VTI1A: variants seen among roughly 807,000 people sequenced by gnomAD.
VTI1A encodes the protein vesicle transport through interaction with t-SNAREs 1A, also known as vesicle transport through interaction with t-SNAREs homolog 1A.
VTI1A carries 22 observed loss-of-function variants against 34.9 expected under a neutral mutation model. That is an observed-to-expected ratio of 0.63 (90% CI 0.45 to 0.90). The LOEUF (loss-of-function observed/expected upper bound fraction) is 0.90. Ranked by LOEUF, VTI1A falls within the 40% of genes least tolerant of loss-of-function variation. The probability of loss-of-function intolerance (pLI) is 0.00; values close to 1 mark genes in which losing one functional copy is unlikely to be tolerated. For synonymous variants in VTI1A, 87 were observed against 97.3 expected (o/e 0.89, Z 0.62); for missense variants, 268 against 275.6 (o/e 0.97, Z 0.20).
At chr10:112,567,762 C>T (rs540400267) in intron 5 of VTI1A, among the ~76,000 whole-genome samples, 3 of 152,134 alleles carry the variant, frequency 2.0e-5, no homozygotes, top group Non-Finnish European at 4.4e-5. Context: ...GTGACCTGTT[C>T]AAATTCGAGA....
chr10:112,587,102 T>C (rs1844189162), intron 5 of VTI1A, among the ~76,000 whole-genome samples: 1 of 152,214 alleles, frequency 6.6e-6, no homozygotes. Context: ...GTATGGAATA[T>C]ATATTTCTTT....
chr10:112,596,424 T>C (rs1589953557), intron 5 of VTI1A, among the ~76,000 whole-genome samples: 1 of 152,288 alleles, frequency 6.6e-6, no homozygotes, highest in East Asian at 1.9e-4. Context: ...CCCATGAGTA[T>C]ACCATAAACT....
intron 7 of VTI1A, among the ~76,000 whole-genome samples, chr10:112,703,482 G>T (rs536887262): frequency 6.6e-6 from 1 of 151,960 alleles, no homozygotes; most frequent in Non-Finnish European, 1.5e-5. Context: ...CAGGAGAATC[G>T]CTTGAACCGG....
At chr10:112,725,602 T>C (rs900099949) in intron 7 of VTI1A, among the ~76,000 whole-genome samples, 36 of 152,240 alleles carry the variant, frequency 2.4e-4, no homozygotes, top group African/African-American at 8.0e-4. Context: ...CATGGTAATG[T>C]TCACTTCTGT....
intron 5 of VTI1A, among the ~76,000 whole-genome samples, chr10:112,574,142 A>C (rs925184046): frequency 6.6e-6 from 1 of 152,218 alleles, no homozygotes; most frequent in Non-Finnish European, 1.5e-5. Flanking sequence ...AAAAACAAGC[A>C]AAGTTTTAAA....
At chr10:112,811,125 A>G (rs1252138479) in intron 7 of VTI1A, among the ~76,000 whole-genome samples, 1 of 152,128 alleles carries the variant, frequency 6.6e-6, no homozygotes, top group African/African-American at 2.4e-5. Flanking sequence ...CCAGTCCTCA[A>G]TGGCTTAACG....
chr10:112,700,117 CAAA>C (rs1201699870), intron 7 of VTI1A, among the ~76,000 whole-genome samples: 1 of 40,444 alleles, frequency 2.5e-5, no homozygotes. Context: ...GACTCCATCT[CAAA>C]AAAAAAAAAA....
At chr10:112,533,711 C>T (rs572620299) in intron 4 of VTI1A, among the ~76,000 whole-genome samples, 12 of 151,866 alleles carry the variant, frequency 7.9e-5, no homozygotes, top group African/African-American at 2.7e-4. Flanking sequence ...TGCTCACCAT[C>T]TTTTAAAACA....
At chr10:112,619,066 T>G (rs1295950389) in intron 5 of VTI1A, among the ~76,000 whole-genome samples, 2 of 151,672 alleles carry the variant, frequency 1.3e-5, no homozygotes, top group East Asian at 1.9e-4. Flanking sequence ...AAACACAGTT[T>G]TTTTTTTTTT....
chr10:112,595,881 T>C lies in VTI1A; in HGVS notation c.427+57551T>C, dbSNP rs575301503. 1.9e-3 allele frequency among the ~76,000 whole-genome samples: 291 copies of C among 152,308 alleles called. 1 individual carries two copies. Among genetic ancestry groups the C allele is most frequent in the African/African-American group, 6.6e-3 (276 of 41,548 alleles). ...TGCACCCGTATGTTTATTGTGGCAC[T>C]ATTCACAATAGGAAAGACTTGGAAC... On this transcript the variant is annotated intron_variant, in intron 5 of 7. Transcript: ENST00000393077.
chr10:112,842,263 T>G, the VTI1A span, among the ~76,000 whole-genome samples: 1 of 152,112 alleles, frequency 6.6e-6, no homozygotes, highest in African/African-American at 2.4e-5. Flanking sequence ...GGCTTACATA[T>G]TCTCATGCTT....
Position 112,691,313 on chromosome 10 carries a change from T to G in VTI1A, c.560+22315T>G, listed in dbSNP as rs114014271. Among the ~76,000 whole-genome samples the G allele has an allele frequency of 3.5e-3, 494 of 139,348 alleles. 2 individuals carry two copies. The highest frequency in any genetic ancestry group is 0.012 in the African/African-American group (465 of 38,432). The allele number at this position is 139,348 out of a possible 152,430, so 91.4% of individuals were successfully genotyped here. A position where few individuals can be genotyped will look rare whatever the true frequency, so the allele number is the denominator to read the frequency against. On this transcript the variant is annotated intron_variant, in intron 7 of 7. Transcript: ENST00000393077. Reference sequence around the variant, plus strand: ...AATAAATAAATAAATAAATGAAAGTTCCACAGATAATTGGTATGAGCATCC... The same window carrying G: ...AATAAATAAATAAATAAATGAAAGTGCCACAGATAATTGGTATGAGCATCC...
chr10:112,811,953 A>C (rs951235004), intron 7 of VTI1A, among the ~76,000 whole-genome samples: 2 of 152,210 alleles, frequency 1.3e-5, no homozygotes, highest in Non-Finnish European at 2.9e-5. Flanking sequence ...TGAGTTCCAC[A>C]TGGGGATCAG....
At chr10:112,835,885 G>A in the VTI1A span, among the ~76,000 whole-genome samples, 1 of 152,156 alleles carries the variant, frequency 6.6e-6, no homozygotes, top group Non-Finnish European at 1.5e-5. Context: ...AAAAGTTCCA[G>A]TTCAGGTCAA....
At chr10:112,651,921 G>A (rs983873810) in intron 5 of VTI1A, among the ~76,000 whole-genome samples, 2 of 152,184 alleles carry the variant, frequency 1.3e-5, no homozygotes, top group African/African-American at 2.4e-5. Context: ...TCCGCAGAAC[G>A]TTAGCCTCAG....
rs1844068654 is a variant in VTI1A at position 112,584,382 on chromosome 10, A to G, written c.427+46052A>G. ...CAAGCCATTTTTCAGGGCACTACTG[A>G]GAAATACTTCAGAGGAGGAATGAGT... On this transcript the variant is annotated intron_variant, in intron 5 of 7. Transcript: ENST00000393077. Among the ~76,000 whole-genome samples the G allele has an allele frequency of 2.0e-5, 3 of 152,326 alleles. No individual in the cohort carries two copies. In the South Asian group the frequency reaches 6.2e-4, roughly 32 times the overall value.
chr10:112,673,084 A>G (rs1847906411), intron 7 of VTI1A, among the ~76,000 whole-genome samples: 1 of 152,152 alleles, frequency 6.6e-6, no homozygotes, highest in Non-Finnish European at 1.5e-5. Flanking sequence ...TGGGAGACCG[A>G]GGCAGGCAGA....
chr10:112,473,270 A>T (rs571685733), intron 3 of VTI1A, among the ~76,000 whole-genome samples: 18 of 151,790 alleles, frequency 1.2e-4, no homozygotes. Context: ...CACCATGTCC[A>T]GCTAATTTTT....
intron 7 of VTI1A, among the ~76,000 whole-genome samples, chr10:112,721,672 G>A (rs148486255): frequency 2.6e-4 from 40 of 152,210 alleles, no homozygotes; most frequent in African/African-American, 7.7e-4. Context: ...ACCATCCTCC[G>A]CCATAATGAT....
Sources: gnomAD v4.1 joint callset for allele counts (sites outside exome capture counted in the v4.1 genomes callset) on GRCh38, gnomAD v4.1.1 for gene constraint, MANE v1.5 for transcripts, NCBI Gene and HGNC (gene_info 2026-07-23, HGNC 2026-07-21) for gene names.